Variants in TC2N observed in about 807,000 individuals in gnomAD.
The protein encoded by TC2N is tandem C2 domains, nuclear, also known as tandem C2 domains nuclear protein.
A neutral mutation model predicts 61.9 loss-of-function variants in TC2N; 51 were observed. That is an observed-to-expected ratio of 0.82 (90% CI 0.66 to 1.04). The LOEUF (loss-of-function observed/expected upper bound fraction) is 1.04. TC2N is among the 50% of genes least tolerant of loss of function. TC2N has a pLI of 0.00. For synonymous variants in TC2N, 204 were observed against 192.6 expected (o/e 1.06, Z -0.49); for missense variants, 556 against 566.7 (o/e 0.98, Z 0.19).
In TC2N at chr14:91,846,402, G is replaced by A. The variant is rs71430740; in HGVS notation, c.-57+20860C>T. Among the ~76,000 whole-genome samples, 266 of 152,168 alleles carry A rather than the reference G, an allele frequency of 1.7e-3. 1 individual carries two copies. Among genetic ancestry groups the A allele is most frequent in the Non-Finnish European group, 2.9e-3 (197 of 68,002 alleles). ...TTTTTAATCTCTTCCCTTGTCCACCGAAAGACCATCAAAACTAGAGAGAGA... is the reference window on the plus strand; with the variant it reads ...TTTTTAATCTCTTCCCTTGTCCACCAAAAGACCATCAAAACTAGAGAGAGA... On this transcript the variant is annotated intron_variant, in intron 1 of 11. Coordinates refer to ENST00000435962, the MANE Select transcript of TC2N (RefSeq NM_001128596.3).
At chr14:91,843,368 C>T (rs1176745506) in intron 1 of TC2N, among the ~76,000 whole-genome samples, 1 of 152,082 alleles carries the variant, frequency 6.6e-6, no homozygotes, top group East Asian at 1.9e-4. Context: ...CCCAGGACTC[C>T]CCTCTCAAGT....
chr14:91,783,226 T>C lies in TC2N; in HGVS notation c.1363-16A>G, dbSNP rs1350885397. The stretch of plus-strand genomic sequence containing the variant: ...TTATCCAAATCTGTAAAGGAAAGTA[T>C]GTACAATCATTTAACTTGACACAAT... On this transcript the variant is annotated splice_polypyrimidine_tract_variant and intron_variant, in intron 11 of 11. Transcript: ENST00000435962. The C allele has an allele frequency of 1.4e-6, 2 of 1,404,232 alleles. No homozygotes were observed. The highest frequency in any genetic ancestry group is 2.4e-5 in the South Asian group (2 of 84,924). 87.0% of individuals were successfully genotyped at this position (1,404,232 alleles called of 1,614,324 possible). A position where few individuals can be genotyped will look rare whatever the true frequency, so the allele number is the denominator to read the frequency against.
intron 1 of TC2N, among the ~76,000 whole-genome samples, chr14:91,856,377 G>A (rs537927505): frequency 4.1e-4 from 63 of 152,008 alleles, no homozygotes; most frequent in African/African-American, 1.4e-3. Context: ...CCAGCTACTC[G>A]GGAGACTAAG....
chr14:91,792,362 C>T lies in TC2N; in HGVS notation c.1047+5G>A. The T allele has an allele frequency of 6.3e-7, 1 of 1,580,404 alleles. No individual in the cohort carries two copies. The highest frequency in any genetic ancestry group is 8.6e-7 in the Non-Finnish European group (1 of 1,161,010). On this transcript the variant is annotated splice_donor_5th_base_variant and intron_variant, in intron 9 of 11. Coordinates refer to ENST00000435962, the MANE Select transcript of TC2N (RefSeq NM_001128596.3). ...AAATACTCTTAACATACTATTATCG[C>T]TTACAGAAATTTTTGAAGGTGGTGT... is the stretch of plus-strand genomic sequence containing the variant.
Position 91,792,519 on chromosome 14 carries a change from G to A in TC2N, c.895C>T (p.Leu299Phe). Residue 299 changes from leucine to phenylalanine, a missense_variant, in exon 9 of 12, where the codon CTT becomes TTT. Transcript: ENST00000435962. ...AGTCTTACAGTTTGTAGATTTTGAA[G>A]TTTAATAGCAAATACAAACGTTTCC... The part of the protein sequence containing the change: ...FMETFVFAIK[L>F]QNLQTVRLVF... 1 of 1,590,036 alleles carries A rather than the reference G, an allele frequency of 6.3e-7. No homozygotes were observed. Among genetic ancestry groups the A allele is most frequent in the Non-Finnish European group, 8.6e-7 (1 of 1,165,322 alleles).
intron 1 of TC2N, among the ~76,000 whole-genome samples, chr14:91,839,568 A>G (rs1888126185): frequency 6.6e-6 from 1 of 152,252 alleles, no homozygotes; most frequent in African/African-American, 2.4e-5. Flanking sequence ...AGCACTTGAT[A>G]TAGAAGGCAC....
intron 4 of TC2N, among the ~76,000 whole-genome samples, chr14:91,801,026 A>C (rs1217879858): frequency 6.6e-6 from 1 of 151,208 alleles, no homozygotes; most frequent in Non-Finnish European, 1.5e-5. Context: ...ATATATATAC[A>C]CACACATATG....
intron 1 of TC2N, among the ~76,000 whole-genome samples, chr14:91,830,414 T>C (rs1887703126): frequency 6.6e-6 from 1 of 152,140 alleles, no homozygotes; most frequent in Non-Finnish European, 1.5e-5. Context: ...CAGATAAATC[T>C]TGAAAACATT....
At position 91,813,704 on chromosome 14, in the gene TC2N, G is replaced by C; in HGVS notation, c.66C>G (p.Asn22Lys). The C allele has an allele frequency of 6.3e-7, 1 of 1,597,078 alleles. No homozygotes were observed. Among genetic ancestry groups the C allele is most frequent in the Non-Finnish European group, 8.6e-7 (1 of 1,166,448 alleles). Residue 22 changes from asparagine (N) to lysine (K), a missense_variant and splice_region_variant, in exon 2 of 12, where the codon AAC (asparagine) becomes AAG (lysine). By Grantham distance (94) the Asn-to-Lys change is moderately conservative. Coordinates refer to ENST00000435962, the MANE Select transcript of TC2N (RefSeq NM_001128596.3). ...GCFYGETEKH[N>K]FSVERDFKAA... ...TACTGAAGTCAAAATAAAACTCACAGTTGTGTTTTTCTGTTTCACCATAGA... is the reference window on the plus strand; with the variant it reads ...TACTGAAGTCAAAATAAAACTCACACTTGTGTTTTTCTGTTTCACCATAGA...
intron 1 of TC2N, among the ~76,000 whole-genome samples, chr14:91,853,808 C>G (rs1182691201): frequency 6.6e-6 from 1 of 151,742 alleles, no homozygotes; most frequent in Admixed American, 6.6e-5. Context: ...GTTTAACAAG[C>G]ACAAGAGGCC....
intron 9 of TC2N, among the ~76,000 whole-genome samples, chr14:91,790,372 T>A (rs1885588074): frequency 6.6e-6 from 1 of 152,156 alleles, no homozygotes; most frequent in Non-Finnish European, 1.5e-5. Context: ...ATTAGAATAT[T>A]TATTTTCCTC....
At chr14:91,866,396 G>T in intron 1 of TC2N, 1 of 152,182 alleles carries the variant, frequency 6.6e-6, no homozygotes, top group Non-Finnish European at 1.5e-5. Context: ...GTTATGATTG[G>T]CAAACCACTG....
intron 1 of TC2N, among the ~76,000 whole-genome samples, chr14:91,853,875 TCTC>T (rs944946219): frequency 1.3e-5 from 2 of 151,982 alleles, no homozygotes; most frequent in Non-Finnish European, 2.9e-5. Context: ...GGCATAAGCT[TCTC>T]CTGTGGGATG....
intron 3 of TC2N, among the ~76,000 whole-genome samples, chr14:91,809,914 A>G (rs2139859013): frequency 6.6e-6 from 1 of 152,314 alleles, no homozygotes; most frequent in East Asian, 1.9e-4. Flanking sequence ...AGGAAGAAAG[A>G]AAGGAAGGAA....
chr14:91,857,095 G>C (rs10147496), intron 1 of TC2N, among the ~76,000 whole-genome samples: 4,829 of 152,260 alleles, frequency 0.032, 283 homozygotes, highest in African/African-American at 0.11. Flanking sequence ...GCTAGTCAAT[G>C]CCCCACTCCA....
Position 91,783,128 on chromosome 14 carries a change from A to G in TC2N, c.1445T>C (p.Ile482Thr), listed in dbSNP as rs746972005. 3.1e-6 allele frequency: 5 copies of G among 1,611,010 alleles called. No homozygotes were observed. Among genetic ancestry groups the G allele is most frequent in the East Asian group, 2.2e-5 (1 of 44,676 alleles). The change falls in exon 12 of 12, where the codon ATC becomes ACC. Residue 482 changes from isoleucine to threonine, a missense_variant. Transcript: ENST00000435962. ...AGATGGATTTAATTTGTGCCACCTG[A>G]TAACAACCTTTTCTGGATTTATTAC... is the stretch of plus-strand genomic sequence containing the variant. ...ETVINPEKVVIRWHKLNPS is the reference protein window; with the variant it reads ...ETVINPEKVVTRWHKLNPS
intron 1 of TC2N, among the ~76,000 whole-genome samples, chr14:91,832,126 GCCTGTTAATC>G (rs914092325): frequency 2.6e-5 from 4 of 152,154 alleles, no homozygotes; most frequent in Admixed American, 2.0e-4. Flanking sequence ...AATGGCTCAT[GCCTGTTAATC>G]CCAGCACTTT....
intron 3 of TC2N, among the ~76,000 whole-genome samples, chr14:91,804,386 A>G (rs2139849446): frequency 6.6e-6 from 1 of 152,348 alleles, no homozygotes; most frequent in African/African-American, 2.4e-5. Context: ...AGATAGGTAT[A>G]AGAATGTTCG....
intron 1 of TC2N, among the ~76,000 whole-genome samples, chr14:91,852,208 ACC>A (rs1888389616): frequency 6.6e-6 from 1 of 152,186 alleles, no homozygotes; most frequent in Non-Finnish European, 1.5e-5. Context: ...CGGGCAGATC[ACC>A]TGAGGTTGGG....
Sources: allele counts gnomAD v4.1 joint callset (sites outside exome capture counted in the v4.1 genomes callset), GRCh38; gene constraint gnomAD v4.1.1; transcripts MANE v1.5; gene names NCBI Gene and HGNC (gene_info 2026-07-23, HGNC 2026-07-21).